Variants in PCDHA4 observed in about 807,000 individuals in gnomAD.
PCDHA4 encodes the protein protocadherin alpha-4.
In PCDHA4, 49 loss-of-function variants were observed where a neutral mutation model predicts 61.4. The ratio of observed to expected loss-of-function variants is 0.80; its 90% CI spans 0.63 to 1.01. PCDHA4 has a LOEUF of 1.01. Among genes scored for constraint, PCDHA4 ranks in the 50% least tolerant of loss-of-function variants. The pLI is 0.00. For synonymous variants in PCDHA4, 590 were observed against 550.3 expected (o/e 1.07, Z -1.01); for missense variants, 1,254 against 1,235.8 (o/e 1.01, Z -0.22).
At chr5:140,936,628 T>C (rs1208761817) in intron 1 of PCDHA4, among the ~76,000 whole-genome samples, 5 of 152,258 alleles carry the variant, frequency 3.3e-5, no homozygotes, top group Non-Finnish European at 7.3e-5. Flanking sequence ...GTGCTACCTT[T>C]GTCATAAGCA....
chr5:140,870,589 C>A (rs1445004841), intron 1 of PCDHA4: 30 of 1,613,510 alleles, frequency 1.9e-5, no homozygotes, highest in Non-Finnish European at 2.5e-5. Context: ...GCTGGTGGAG[C>A]GGCGGTTGGG....
At chr5:140,937,039 CTT>C (rs34994034) in intron 1 of PCDHA4, among the ~76,000 whole-genome samples, 9 of 140,130 alleles carry the variant, frequency 6.4e-5, no homozygotes, top group Admixed American at 7.1e-5. Context: ...TTCCATTTAT[CTT>C]TTTTTTTTTT....
At chr5:140,965,496 ATT>A (rs71766133) in intron 1 of PCDHA4, among the ~76,000 whole-genome samples, 87 of 146,352 alleles carry the variant, frequency 5.9e-4, no homozygotes, top group Middle Eastern at 3.6e-3. Context: ...ATGACAGCAG[ATT>A]TTTTTTTTTT....
intron 3 of PCDHA4, 94 bp from the exon 4 acceptor site, chr5:141,009,533 G>C: frequency 1.3e-6 from 2 of 1,509,446 alleles, no homozygotes; most frequent in Non-Finnish European, 1.8e-6. Context: ...GGGAGGTTCA[G>C]CCTGCCTATG....
chr5:140,853,847 G>T, intron 1 of PCDHA4: 1 of 986,430 alleles, frequency 1.0e-6, no homozygotes, highest in Non-Finnish European at 1.2e-6. Flanking sequence ...TAGATCCATA[G>T]CCCTATTTGA....
chr5:140,846,704 T>C (rs1263410748), intron 1 of PCDHA4, among the ~76,000 whole-genome samples: 4 of 149,392 alleles, frequency 2.7e-5, no homozygotes, highest in African/African-American at 9.8e-5. Flanking sequence ...TAGAGAAGAT[T>C]GTAATAACCA....
chr5:140,833,755 C>CAT (rs1554133952), intron 1 of PCDHA4, among the ~76,000 whole-genome samples: 1 of 151,932 alleles, frequency 6.6e-6, no homozygotes, highest in East Asian at 1.9e-4. Context: ...AAAGAAAACA[C>CAT]ACACACACAC....
chr5:141,002,853 G>C (rs781830862), intron 3 of PCDHA4, among the ~76,000 whole-genome samples: 1 of 152,184 alleles, frequency 6.6e-6, no homozygotes, highest in Non-Finnish European at 1.5e-5. Context: ...ACTAGTGAGA[G>C]AACCAGGGCA....
intron 1 of PCDHA4, among the ~76,000 whole-genome samples, chr5:140,898,007 A>G (rs1477147548): frequency 2.3e-4 from 35 of 152,100 alleles, no homozygotes; most frequent in African/African-American, 8.5e-4. Context: ...GTGTCTGTTC[A>G]TATCCTTTGC....
At chr5:140,928,508 T>G in intron 1 of PCDHA4, 1 of 1,614,174 alleles carries the variant, frequency 6.2e-7, no homozygotes, top group Non-Finnish European at 8.5e-7. Flanking sequence ...AGTGCAACAG[T>G]GACTATAAAC....
chr5:140,979,870 A>G (rs376036380), intron 2 of PCDHA4, among the ~76,000 whole-genome samples: 2 of 152,388 alleles, frequency 1.3e-5, no homozygotes, highest in South Asian at 2.1e-4. Context: ...TATCTGGGCA[A>G]CTATCAAGTG....
At chr5:140,881,070 T>C (rs1461614506) in intron 1 of PCDHA4, among the ~76,000 whole-genome samples, 6 of 152,208 alleles carry the variant, frequency 3.9e-5, no homozygotes, top group Non-Finnish European at 8.8e-5. Flanking sequence ...CAGATAATTA[T>C]TGGAGCTATG....
intron 1 of PCDHA4, among the ~76,000 whole-genome samples, chr5:140,885,309 T>C (rs1456816250): frequency 6.6e-6 from 1 of 152,194 alleles, no homozygotes; most frequent in Non-Finnish European, 1.5e-5. Context: ...GTAGGCTTTT[T>C]GTTATTATTT....
intron 1 of PCDHA4, chr5:140,927,555 C>T (rs1554204727): frequency 8.7e-6 from 14 of 1,614,058 alleles, no homozygotes; most frequent in East Asian, 2.2e-5. Flanking sequence ...AAGTCACCAT[C>T]ATTGTGGTGG....
rs200308248 is a variant in PCDHA4 at position 140,834,522 on chromosome 5, C to T, written c.2385+24950C>T. The T allele has an allele frequency of 9.3e-5, 150 of 1,614,068 alleles. No homozygotes were observed. In the East Asian group the frequency reaches 2.3e-3, roughly 24 times the overall value. The stretch of plus-strand genomic sequence containing the variant: ...GGCTAAACATGGCAACTTCGTGGGC[C>T]GCATCGCGCAGGACCTGGGGCTGGA... On this transcript the variant is annotated intron_variant, in intron 1 of 3. Transcript: ENST00000530339.
intron 1 of PCDHA4, chr5:140,875,355 T>A: frequency 6.9e-7 from 1 of 1,446,356 alleles, no homozygotes; most frequent in African/African-American, 1.4e-5. Context: ...ATGACTGTGA[T>A]GCTGGAAAAA....
At chr5:140,842,832 T>C in intron 1 of PCDHA4, 2 of 1,593,838 alleles carry the variant, frequency 1.3e-6, no homozygotes, top group East Asian at 2.2e-5. Flanking sequence ...GAGCGCTCGC[T>C]GTCGAGCTAC....
At chr5:140,991,716 A>G (rs1287772391) in intron 3 of PCDHA4, among the ~76,000 whole-genome samples, 1 of 152,164 alleles carries the variant, frequency 6.6e-6, no homozygotes, top group East Asian at 1.9e-4. Flanking sequence ...TATTGCTACT[A>G]GCAGCCTGTT....
At chr5:140,825,558 G>C (rs1468838002) in intron 1 of PCDHA4, 1 of 151,638 alleles carries the variant, frequency 6.6e-6, no homozygotes, top group Non-Finnish European at 1.5e-5. Context: ...CCAAGTAGCT[G>C]GGATTACAGG....
Sources: allele counts gnomAD v4.1 joint callset (sites outside exome capture counted in the v4.1 genomes callset), GRCh38; gene constraint gnomAD v4.1.1; transcripts MANE v1.5; gene names NCBI Gene and HGNC (gene_info 2026-07-23, HGNC 2026-07-21).